Variants in ABAT observed in about 807,000 individuals in gnomAD.
ABAT encodes the protein 4-aminobutyrate aminotransferase, also known as 4-aminobutyrate aminotransferase, mitochondrial.
ABAT carries 45 observed loss-of-function variants against 64.6 expected under a neutral mutation model. The observed-to-expected ratio is 0.70, with a 90% confidence interval of 0.55 to 0.89. The LOEUF is 0.89. Among genes scored for constraint, ABAT ranks in the 40% least tolerant of loss-of-function variants. The pLI is 0.00. For missense variants in ABAT, 633 were observed against 658.4 expected, an observed-to-expected ratio of 0.96 and a Z score of 0.42; for synonymous variants, 297 against 250.5, an observed-to-expected ratio of 1.19 and a Z score of -1.75.
intron 1 of ABAT, chr16:8,720,935 G>A (rs951431014): frequency 2.6e-5 from 4 of 152,296 alleles, no homozygotes; most frequent in Non-Finnish European, 5.9e-5. Flanking sequence ...GAGTAGAAAG[G>A]TGAGTCAGAC....
At chr16:8,770,500 G>A (rs1414247415) in intron 11 of ABAT, among the ~76,000 whole-genome samples, 1 of 151,884 alleles carries the variant, frequency 6.6e-6, no homozygotes, top group Non-Finnish European at 1.5e-5. Context: ...GTGCAGTGGT[G>A]CAATCACAGC....
intron 1 of ABAT, among the ~76,000 whole-genome samples, chr16:8,735,256 G>T (rs112570797): frequency 0.11 from 17,061 of 151,126 alleles, 1,324 homozygotes; most frequent in African/African-American, 0.22. Flanking sequence ...TTTTGTTTTG[G>T]TTTGGTTTTT....
chr16:8,704,217 T>C (rs1473967925), intron 1 of ABAT, among the ~76,000 whole-genome samples: 1 of 152,250 alleles, frequency 6.6e-6, no homozygotes, highest in African/African-American at 2.4e-5. Flanking sequence ...ATGTCCTTTT[T>C]ATAGTCTGTT....
At chr16:8,759,478 T>TA (rs1272701682) in intron 6 of ABAT, among the ~76,000 whole-genome samples, 1 of 152,024 alleles carries the variant, frequency 6.6e-6, no homozygotes, top group African/African-American at 2.4e-5. Context: ...CCCCTCCCCT[T>TA]ACTTTTAACA....
At chr16:8,716,235 C>G (rs1289208748) in intron 1 of ABAT, among the ~76,000 whole-genome samples, 2 of 152,188 alleles carry the variant, frequency 1.3e-5, no homozygotes, top group Non-Finnish European at 2.9e-5. Flanking sequence ...ACTAAAGATA[C>G]TACATGGCTG....
intron 1 of ABAT, among the ~76,000 whole-genome samples, chr16:8,727,080 T>C (rs1295987729): frequency 6.6e-6 from 1 of 152,228 alleles, no homozygotes; most frequent in Non-Finnish European, 1.5e-5. Flanking sequence ...CCTTTTTATA[T>C]TCTGGTTATT....
At chr16:8,736,332 C>G (rs758695818) in intron 2 of ABAT, 1 of 171,312 alleles carries the variant, frequency 5.8e-6, no homozygotes, top group Non-Finnish European at 1.3e-5. Flanking sequence ...CTGTCACCAT[C>G]GCCACCTCCT....
chr16:8,711,760 GAAGA>G (rs1384311211), intron 1 of ABAT, among the ~76,000 whole-genome samples: 1 of 136,878 alleles, frequency 7.3e-6, no homozygotes, highest in East Asian at 2.1e-4. Flanking sequence ...GGATGGATGG[GAAGA>G]TGGATGGATG....
At chr16:8,768,172 A>G in intron 9 of ABAT, 21 bp from the exon 10 acceptor site, 5 of 1,611,774 alleles carry the variant, frequency 3.1e-6, no homozygotes, top group Non-Finnish European at 3.4e-6. Flanking sequence ...ATGACTAATG[A>G]CTGATATTTC....
At chr16:8,746,369 A>G (rs950364385) in intron 3 of ABAT, among the ~76,000 whole-genome samples, 2 of 151,368 alleles carry the variant, frequency 1.3e-5, no homozygotes, top group Admixed American at 6.6e-5. Flanking sequence ...CCTGGCCAAC[A>G]TACTGAAACC....
intron 5 of ABAT, among the ~76,000 whole-genome samples, chr16:8,754,509 A>G (rs1053730100): frequency 6.6e-6 from 1 of 152,148 alleles, no homozygotes; most frequent in African/African-American, 2.4e-5. Flanking sequence ...ATTCAGCAGG[A>G]GTTAGTGTGA....
At chr16:8,696,000 G>T (rs998478843) in intron 1 of ABAT, among the ~76,000 whole-genome samples, 15 of 152,206 alleles carry the variant, frequency 9.9e-5, no homozygotes, top group Admixed American at 6.5e-4. Flanking sequence ...AGACAAGAAG[G>T]CGTCCAGCCT....
intron 9 of ABAT, 119 bp from the exon 10 acceptor site, chr16:8,768,074 C>A (rs368776752): frequency 9.0e-7 from 1 of 1,110,310 alleles, no homozygotes; most frequent in South Asian, 1.3e-5. Context: ...TAACTTTTGC[C>A]TGAGAAGGAT....
At chr16:8,770,888 TC>T (rs2060085986) in intron 11 of ABAT, among the ~76,000 whole-genome samples, 1 of 152,204 alleles carries the variant, frequency 6.6e-6, no homozygotes, top group South Asian at 2.1e-4. Context: ...TTTTAAAAAT[TC>T]CTTTATTTTA....
chr16:8,742,220 A>G (rs923623129), intron 2 of ABAT, among the ~76,000 whole-genome samples: 1 of 152,074 alleles, frequency 6.6e-6, no homozygotes, highest in Non-Finnish European at 1.5e-5. Context: ...TCGCAGTTCC[A>G]CTTGATCCCA....
At chr16:8,737,938 AGGAAAGG>A (rs2059003064) in intron 2 of ABAT, among the ~76,000 whole-genome samples, 1 of 29,370 alleles carries the variant, frequency 3.4e-5, no homozygotes, top group Non-Finnish European at 7.9e-5. Flanking sequence ...AAAAAAAGAA[AGGAAAGG>A]AAGAAAGGAA....
At chr16:8,770,060 T>C (rs1246059316) in intron 11 of ABAT, among the ~76,000 whole-genome samples, 2 of 152,206 alleles carry the variant, frequency 1.3e-5, no homozygotes, top group African/African-American at 4.8e-5. Flanking sequence ...TATGTAATTA[T>C]AGCTTTTCCA....
intron 1 of ABAT, 122 bp downstream of exon 1, chr16:8,674,833 C>G (rs1169310424): frequency 6.6e-6 from 1 of 152,368 alleles, no homozygotes; most frequent in Non-Finnish European, 1.5e-5. Flanking sequence ...GAGCCCTCAT[C>G]TTCCCAAGAC....
At chr16:8,719,430 G>T (rs1273394) in intron 1 of ABAT, among the ~76,000 whole-genome samples, 50,571 of 151,980 alleles carry the variant, frequency 0.33, 8,742 homozygotes, top group African/African-American at 0.41. Context: ...AGGCTTGGAT[G>T]TGAAGCCCTG....
Sources: allele counts gnomAD v4.1 joint callset (sites outside exome capture counted in the v4.1 genomes callset), GRCh38; gene constraint gnomAD v4.1.1; transcripts MANE v1.5; gene names NCBI Gene and HGNC (gene_info 2026-07-23, HGNC 2026-07-21).